Variants in AP3S1 observed in about 807,000 individuals in gnomAD.
AP3S1 encodes the protein AP-3 complex subunit sigma-1.
AP3S1 carries 12 observed loss-of-function variants against 21.3 expected under a neutral mutation model. The ratio of observed to expected loss-of-function variants is 0.56; its 90% CI spans 0.36 to 0.91. AP3S1 has a LOEUF of 0.91. AP3S1 is among the 40% of genes least tolerant of loss of function. AP3S1 has a pLI of 0.01. For missense variants in AP3S1, 116 were observed against 225.0 expected, an observed-to-expected ratio of 0.52 and a Z score of 3.10; for synonymous variants, 48 against 78.4, an observed-to-expected ratio of 0.61 and a Z score of 2.05.
At chr5:115,904,405 T>G (rs1751471526) in intron 5 of AP3S1, among the ~76,000 whole-genome samples, 1 of 152,182 alleles carries the variant, frequency 6.6e-6, no homozygotes, top group South Asian at 2.1e-4. Context: ...GAAGAATAAA[T>G]CTCAAATCTA....
chr5:115,874,542 T>TA (rs989050234), intron 3 of AP3S1, among the ~76,000 whole-genome samples: 2 of 152,050 alleles, frequency 1.3e-5, no homozygotes, highest in African/African-American at 4.8e-5. Context: ...GTAGCTAGAT[T>TA]AAAAAAACAA....
chr5:115,842,640 A>C, intron 1 of AP3S1: 1 of 152,918 alleles, frequency 6.5e-6, no homozygotes, highest in Non-Finnish European at 1.5e-5. Flanking sequence ...CTCTCATAGC[A>C]CAGGAACTTT....
chr5:115,900,072 A>G (rs1287618827), intron 4 of AP3S1, among the ~76,000 whole-genome samples: 5 of 152,192 alleles, frequency 3.3e-5, no homozygotes, highest in African/African-American at 1.2e-4. Flanking sequence ...AAGAGAAAGT[A>G]TAATTAAAGG....
At chr5:115,912,589 T>C (rs1752191646) in intron 5 of AP3S1, among the ~76,000 whole-genome samples, 1 of 152,108 alleles carries the variant, frequency 6.6e-6, no homozygotes, top group African/African-American at 2.4e-5. Context: ...TTATATTTAC[T>C]ACCTCTTGCA....
intron 5 of AP3S1, among the ~76,000 whole-genome samples, chr5:115,909,655 G>A (rs935221005): frequency 6.6e-6 from 1 of 152,150 alleles, no homozygotes; most frequent in African/African-American, 2.4e-5. Flanking sequence ...TATTTCTCCA[G>A]TAGAATTTCA....
chr5:115,902,394 A>T (rs1377807987), intron 4 of AP3S1, among the ~76,000 whole-genome samples: 1 of 152,148 alleles, frequency 6.6e-6, no homozygotes, highest in East Asian at 1.9e-4. Context: ...CCCACAATTT[A>T]AAAAATTCTA....
At chr5:115,911,174 GATGC>G (rs1752073837) in intron 5 of AP3S1, among the ~76,000 whole-genome samples, 1 of 151,994 alleles carries the variant, frequency 6.6e-6, no homozygotes, top group Non-Finnish European at 1.5e-5. Flanking sequence ...AATTTAACAG[GATGC>G]ATTTTTAAAT....
At chr5:115,879,895 C>T (rs1749118234) in intron 3 of AP3S1, among the ~76,000 whole-genome samples, 1 of 152,100 alleles carries the variant, frequency 6.6e-6, no homozygotes, top group Non-Finnish European at 1.5e-5. Flanking sequence ...TGTTATTGGT[C>T]TGGTTCAGAG....
intron 5 of AP3S1, among the ~76,000 whole-genome samples, chr5:115,912,658 TA>T (rs1307257538): frequency 6.6e-6 from 1 of 152,060 alleles, no homozygotes; most frequent in Non-Finnish European, 1.5e-5. Flanking sequence ...TTGCTGAATC[TA>T]TGCTATATGA....
At chr5:115,894,008 G>T (rs2112542694) in intron 3 of AP3S1, among the ~76,000 whole-genome samples, 1 of 152,280 alleles carries the variant, frequency 6.6e-6, no homozygotes, top group Non-Finnish European at 1.5e-5. Context: ...ATTTTTGAAG[G>T]TTTGCATCAG....
intron 5 of AP3S1, among the ~76,000 whole-genome samples, chr5:115,904,830 T>C (rs183063190): frequency 2.0e-5 from 3 of 152,348 alleles, no homozygotes; most frequent in Admixed American, 2.0e-4. Context: ...TGGTTATAGA[T>C]TTTAAATGCC....
At chr5:115,847,314 T>C (rs571699828) in intron 1 of AP3S1, among the ~76,000 whole-genome samples, 3 of 152,314 alleles carry the variant, frequency 2.0e-5, no homozygotes, top group African/African-American at 7.2e-5. Flanking sequence ...TTCTAAACTT[T>C]TAAAAAAATA....
At chr5:115,882,813 C>A (rs564485000) in intron 3 of AP3S1, among the ~76,000 whole-genome samples, 2 of 152,326 alleles carry the variant, frequency 1.3e-5, no homozygotes, top group African/African-American at 4.8e-5. Flanking sequence ...CACCCCTTCC[C>A]CCAGGTGCTC....
At chr5:115,853,994 A>T (rs942179751) in intron 1 of AP3S1, among the ~76,000 whole-genome samples, 7 of 152,214 alleles carry the variant, frequency 4.6e-5, no homozygotes, top group Non-Finnish European at 1.0e-4. Flanking sequence ...TATTTGGTTC[A>T]TGGTTCTGGA....
chr5:115,872,695 C>T (rs920672207), intron 3 of AP3S1, among the ~76,000 whole-genome samples: 2 of 152,002 alleles, frequency 1.3e-5, no homozygotes, highest in African/African-American at 2.4e-5. Context: ...CAAGGCTTTT[C>T]TAGTAAAGAA....
At chr5:115,861,930 G>C (rs1763228446) in intron 1 of AP3S1, among the ~76,000 whole-genome samples, 1 of 143,512 alleles carries the variant, frequency 7.0e-6, no homozygotes, top group Non-Finnish European at 1.5e-5. Context: ...TGAACTTCTG[G>C]GCTCAAGTGA....
intron 5 of AP3S1, among the ~76,000 whole-genome samples, chr5:115,913,040 T>C (rs1394003058): frequency 6.6e-6 from 1 of 152,172 alleles, no homozygotes; most frequent in Non-Finnish European, 1.5e-5. Flanking sequence ...TCATGCTTCA[T>C]GCTATCTGTC....
intron 1 of AP3S1, chr5:115,842,577 G>T: frequency 6.3e-6 from 1 of 158,144 alleles, no homozygotes; most frequent in Non-Finnish European, 1.4e-5. Context: ...TCCTTTCCAG[G>T]TGGACTTCTT....
chr5:115,889,556 A>G (rs981365530), intron 3 of AP3S1, among the ~76,000 whole-genome samples: 6 of 152,194 alleles, frequency 3.9e-5, no homozygotes, highest in African/African-American at 1.2e-4. Context: ...GAAAAATTGG[A>G]TTTTATTGGA....
Sources: allele counts gnomAD v4.1 joint callset (sites outside exome capture counted in the v4.1 genomes callset), GRCh38; gene constraint gnomAD v4.1.1; transcripts MANE v1.5; gene names NCBI Gene and HGNC (gene_info 2026-07-23, HGNC 2026-07-21).